Variants in LIPA observed in about 807,000 individuals in gnomAD.
LIPA encodes the protein lysosomal acid lipase/cholesteryl ester hydrolase.
A neutral mutation model predicts 40.6 loss-of-function variants in LIPA; 26 were observed. The observed-to-expected ratio is 0.64, with a 90% CI of 0.47 to 0.89. The LOEUF is 0.89. LIPA is among the 40% of genes least tolerant of loss of function. LIPA has a pLI of 0.00. For synonymous variants in LIPA, 188 were observed against 168.4 expected (o/e 1.12, Z -0.90); for missense variants, 455 against 479.6 (o/e 0.95, Z 0.48).
At chr10:89,345,486 G>A (rs748119579), upstream of LIPA, among the ~76,000 whole-genome samples, 1 of 151,824 alleles carries the variant, frequency 6.6e-6, no homozygotes, top group South Asian at 2.1e-4. Context: ...CTGAGATCAT[G>A]CCACTACACT....
At chr10:89,287,364 C>G (rs1843346322) in intron 1 of LIPA, among the ~76,000 whole-genome samples, 1 of 152,222 alleles carries the variant, frequency 6.6e-6, no homozygotes, top group Non-Finnish European at 1.5e-5. Flanking sequence ...TTCTAAACCT[C>G]TTAAAACTCC....
Position 89,412,040 on chromosome 10 carries a change from C to T in LIPA, c.61+751G>A, listed in dbSNP as rs1286636566. Among the ~76,000 whole-genome samples, 3 of 152,314 alleles carry T rather than the reference C, an allele frequency of 2.0e-5. No individual in the cohort carries two copies. The East Asian group carries it at 5.8e-4, about 29-fold the overall frequency. On this transcript the variant is annotated intron_variant, in intron 2 of 8. Transcript: ENST00000371837. ...AAATGAGTTCAACTAACAACTTCTA[C>T]CGAGGACCCCTGGACTGACCTGCTG... is the stretch of plus-strand genomic sequence containing the variant.
At chr10:89,255,246 G>A (rs188337483), upstream of LIPA, among the ~76,000 whole-genome samples, 8 of 152,182 alleles carry the variant, frequency 5.3e-5, no homozygotes, top group Non-Finnish European at 7.3e-5. Flanking sequence ...ACAGTTCCAC[G>A]TGGCTAGGGA....
chr10:89,245,936 T>A lies in LIPA; in HGVS notation c.112-143A>T, dbSNP rs1239630418. The A allele has an allele frequency of 8.6e-6, 6 of 700,338 alleles. No individual in the cohort carries two copies. In the East Asian group the frequency reaches 1.1e-4, roughly 12 times the overall value. 43.4% of individuals were successfully genotyped at this position (700,338 alleles called of 1,614,324 possible). On this transcript the variant is annotated intron_variant, in intron 2 of 9. Coordinates refer to ENST00000336233, the MANE Select transcript of LIPA (RefSeq NM_000235.4). ...TGAAATTTTAGTCTGCTAAATCTAGTAGCCAACTTCTCATCACAAGAGTAA... is the reference window on the plus strand; with the variant it reads ...TGAAATTTTAGTCTGCTAAATCTAGAAGCCAACTTCTCATCACAAGAGTAA...
intron 1 of LIPA, among the ~76,000 whole-genome samples, chr10:89,258,822 G>C (rs947052394): frequency 1.3e-5 from 2 of 152,174 alleles, no homozygotes; most frequent in African/African-American, 4.8e-5. Context: ...AACTGATGAA[G>C]ACATGAATAA....
At chr10:89,399,240 T>C (rs1844387525) in intron 2 of LIPA, among the ~76,000 whole-genome samples, 1 of 152,200 alleles carries the variant, frequency 6.6e-6, no homozygotes, top group African/African-American at 2.4e-5. Flanking sequence ...TGTTGCTGAG[T>C]TGTAGAGGTT....
intron 1 of LIPA, among the ~76,000 whole-genome samples, chr10:89,248,447 T>A (rs1467664130): frequency 4.4e-4 from 12 of 27,030 alleles, no homozygotes; most frequent in African/African-American, 2.1e-3. Flanking sequence ...ATTTTATATT[T>A]ATTTATTTAT....
At chr10:89,330,122 A>G (rs905986337) in intron 1 of LIPA, among the ~76,000 whole-genome samples, 14 of 152,178 alleles carry the variant, frequency 9.2e-5, no homozygotes, top group African/African-American at 3.4e-4. Context: ...GGCCATCTGG[A>G]TGTGTACATG....
chr10:89,300,731 A>T (rs2133516710), intron 1 of LIPA, among the ~76,000 whole-genome samples: 1 of 152,330 alleles, frequency 6.6e-6, no homozygotes, highest in South Asian at 2.1e-4. Flanking sequence ...TCACGCCTGT[A>T]ATCCCAGAAC....
rs756115349 is a variant in LIPA at position 89,214,777 on chromosome 10, T to G, written c.*51A>C. 1.3e-5 allele frequency: 15 copies of G among 1,147,132 alleles called. No homozygotes were observed. Among genetic ancestry groups the G allele is most frequent in the Non-Finnish European group, 1.8e-5 (14 of 759,514 alleles). The allele number at this position is 1,147,132 out of a possible 1,614,324, so 71.1% of individuals were successfully genotyped here. A position where few individuals can be genotyped will look rare whatever the true frequency, so the allele number is the denominator to read the frequency against. On this transcript the variant is annotated 3_prime_UTR_variant, in exon 10 of 10. Transcript: ENST00000336233. ...TTTTACAGAAATGAAGCAAACACAT[T>G]TTCACATGACATAATCATTGACTTG... is the stretch of plus-strand genomic sequence containing the variant.
chr10:89,406,681 C>T (rs562538672), intron 2 of LIPA, among the ~76,000 whole-genome samples: 7 of 152,136 alleles, frequency 4.6e-5, no homozygotes, highest in Non-Finnish European at 1.0e-4. Flanking sequence ...CACAAACCCA[C>T]CAGAAGGAAG....
chr10:89,338,812 ATGTACAACT>A, intron 1 of LIPA: 1 of 1,614,164 alleles, frequency 6.2e-7, no homozygotes, highest in Non-Finnish European at 8.5e-7. Flanking sequence ...CAAAGCTACA[ATGTACAACT>A]TGTTGGCCTA....
At chr10:89,381,043 T>C (rs962554295) in intron 2 of LIPA, among the ~76,000 whole-genome samples, 1 of 152,200 alleles carries the variant, frequency 6.6e-6, no homozygotes, top group African/African-American at 2.4e-5. Flanking sequence ...TTTCCACCTA[T>C]CAATGCATGG....
chr10:89,412,915 A>G (rs1340623184), exon 2 of LIPA: 1 of 253,416 alleles, frequency 3.9e-6, no homozygotes, highest in Non-Finnish European at 8.1e-6. Context: ...ACCAAGACCA[A>G]AAACCTACTG....
At chr10:89,403,125 T>TC (rs1162546133) in intron 2 of LIPA, 1 of 1,614,026 alleles carries the variant, frequency 6.2e-7, no homozygotes, top group African/African-American at 1.3e-5. Flanking sequence ...AACACCCACT[T>TC]CTGTCTTACT....
At chr10:89,379,862 G>A (rs561404693) in intron 2 of LIPA, among the ~76,000 whole-genome samples, 15 of 152,034 alleles carry the variant, frequency 9.9e-5, no homozygotes, top group African/African-American at 2.4e-4. Context: ...GTGAAACCCC[G>A]CCTCTTCTAA....
Position 89,214,721 on chromosome 10 carries a change from A to C in LIPA, c.*107T>G. The C allele has an allele frequency of 1.4e-6, 1 of 737,798 alleles. No individual in the cohort carries two copies. The highest frequency in any genetic ancestry group is 2.3e-6 in the Non-Finnish European group (1 of 433,950). The allele number at this position is 737,798 out of a possible 1,614,324, so 45.7% of individuals were successfully genotyped here. ...AGTTATCATTTTCTTGGATATAAAA[A>C]AACAAAAGACCTGGGAAAGAAAAAC... On this transcript the variant is annotated 3_prime_UTR_variant, in exon 10 of 10. Coordinates refer to ENST00000336233, the MANE Select transcript of LIPA (RefSeq NM_000235.4).
chr10:89,231,592 G>A (rs1394549269), intron 3 of LIPA, among the ~76,000 whole-genome samples: 1 of 152,058 alleles, frequency 6.6e-6, no homozygotes, highest in African/African-American at 2.4e-5. Context: ...TCCCACCTCA[G>A]GCCCCTGAAG....
At chr10:89,254,266 A>G (rs1383077552), upstream of LIPA, among the ~76,000 whole-genome samples, 1 of 152,176 alleles carries the variant, frequency 6.6e-6, no homozygotes, top group Non-Finnish European at 1.5e-5. Flanking sequence ...GCTTTTCCAC[A>G]CATCCTCTGA....
Sources: gnomAD v4.1 joint callset for allele counts (sites outside exome capture counted in the v4.1 genomes callset) on GRCh38, gnomAD v4.1.1 for gene constraint, MANE v1.5 for transcripts, NCBI Gene and HGNC (gene_info 2026-07-23, HGNC 2026-07-21) for gene names.